KCNC1: variants seen among roughly 807,000 people sequenced by gnomAD.
The protein encoded by KCNC1 is voltage-gated potassium channel KCNC1.
A neutral mutation model predicts 43.4 loss-of-function variants in KCNC1; 8 were observed. That is an observed-to-expected ratio of 0.18 (90% CI 0.11 to 0.33). The LOEUF (loss-of-function observed/expected upper bound fraction) is 0.33, where lower values mean the gene tolerates loss of function less well. KCNC1 is among the 10% of genes least tolerant of loss of function. The pLI is 1.00. For missense variants in KCNC1, 420 were observed against 836.0 expected, an observed-to-expected ratio of 0.50 and a Z score of 6.14; for synonymous variants, 361 against 360.5, an observed-to-expected ratio of 1.00 and a Z score of -0.01.
intron 1 of KCNC1, among the ~76,000 whole-genome samples, chr11:17,769,397 T>G (rs1300306131): frequency 6.7e-6 from 1 of 149,264 alleles, no homozygotes; most frequent in African/African-American, 2.5e-5. Context: ...GATGAATGGA[T>G]GTATGGATGG....
chr11:17,770,421 G>A (rs1407888286), intron 1 of KCNC1, among the ~76,000 whole-genome samples: 2 of 152,234 alleles, frequency 1.3e-5, no homozygotes, highest in African/African-American at 2.4e-5. Flanking sequence ...AGGGCTGACT[G>A]GCAGGGGCCC....
Position 17,735,825 on chromosome 11 carries a change from A to G in KCNC1, c.-178A>G. ...ATTCCCCTGGACCGGCACCCGACAA[A>G]GCGCCCGGAGAGGCTTGGCTCGCTC... On this transcript the variant is annotated 5_prime_UTR_variant, in exon 1 of 4. Coordinates refer to ENST00000265969, the MANE Select transcript of KCNC1 (RefSeq NM_001112741.2). The surrounding 1 kb of genome is among the most constrained non-coding windows in gnomAD (Gnocchi z 6.7). 1.6e-6 allele frequency: 1 copy of G among 637,288 alleles called. No homozygotes were observed. Among genetic ancestry groups the G allele is most frequent in the Non-Finnish European group, 2.4e-6 (1 of 415,550 alleles). The allele number at this position is 637,288 out of a possible 1,614,324, so 39.5% of individuals were successfully genotyped here.
At position 17,771,086 on chromosome 11, in the gene KCNC1, A is replaced by T. The variant is rs1019509527; in HGVS notation, c.571-579A>T. ...ACATACATTTTTTTCAGCTCTAGGC[A>T]GGATAGAACCTGAAAGAGACCACAT... On this transcript the variant is annotated intron_variant, in intron 1 of 3. Coordinates refer to ENST00000265969, the MANE Select transcript of KCNC1 (RefSeq NM_001112741.2). This position sits in a 1 kb window ranked among gnomAD's most constrained non-coding sequence, Gnocchi z 4.7. Among the ~76,000 whole-genome samples the T allele has an allele frequency of 6.6e-6, 1 of 152,208 alleles. No homozygotes were observed. Among genetic ancestry groups the T allele is most frequent in the African/African-American group, 2.4e-5 (1 of 41,448 alleles).
Position 17,736,050 on chromosome 11 carries a change from C to T in KCNC1, c.48C>T (p.Gly16=). The T allele has an allele frequency of 3.2e-6, 5 of 1,573,862 alleles. No individual in the cohort carries two copies. Among genetic ancestry groups the T allele is most frequent in the Non-Finnish European group, 4.3e-6 (5 of 1,161,382 alleles). The change falls in exon 1 of 4, where the codon GGC becomes GGT. Residue 16 remains glycine, a synonymous_variant. Transcript: ENST00000265969. This position sits in a 1 kb window ranked among gnomAD's most constrained non-coding sequence, Gnocchi z 9.3. ...ESERIVINVG[G]TRHQTYRSTL... Reference sequence around the variant, plus strand: ...AGCGCATCGTGATCAACGTGGGCGGCACGCGCCACCAGACGTACCGCTCGA... The same window carrying T: ...AGCGCATCGTGATCAACGTGGGCGGTACGCGCCACCAGACGTACCGCTCGA...
chr11:17,748,719 A>G (rs16934695), intron 1 of KCNC1, among the ~76,000 whole-genome samples: 11,518 of 152,072 alleles, frequency 0.076, 767 homozygotes, highest in African/African-American at 0.19. Context: ...GGCCTGCCCC[A>G]TGGGTTCCCT....
At chr11:17,758,939 G>A (rs1248738942) in intron 1 of KCNC1, among the ~76,000 whole-genome samples, 1 of 152,204 alleles carries the variant, frequency 6.6e-6, no homozygotes, top group Non-Finnish European at 1.5e-5. Context: ...TAACCAGAGA[G>A]TCAGCCTGTC....
chr11:17,736,691 T>G lies in KCNC1; in HGVS notation c.570+119T>G. The G allele has an allele frequency of 7.1e-7, 1 of 1,409,278 alleles. No homozygotes were observed. Among genetic ancestry groups the G allele is most frequent in the Non-Finnish European group, 9.3e-7 (1 of 1,077,670 alleles). 87.3% of individuals were successfully genotyped at this position (1,409,278 alleles called of 1,614,324 possible). A position where few individuals can be genotyped will look rare whatever the true frequency, so the allele number is the denominator to read the frequency against. On this transcript the variant is annotated intron_variant, in intron 1 of 3. Coordinates refer to ENST00000265969, the MANE Select transcript of KCNC1 (RefSeq NM_001112741.2). This position sits in a 1 kb window ranked among gnomAD's most constrained non-coding sequence, Gnocchi z 9.3. ...GGGAGTTCAGAATCGAAAGGGGGTG[T>G]GTGCGCATGTGTGCACGTACCAGGG... is the stretch of plus-strand genomic sequence containing the variant.
Position 17,736,685 on chromosome 11 carries a change from G to A in KCNC1, c.570+113G>A, listed in dbSNP as rs1565152953. The A allele has an allele frequency of 7.0e-7, 1 of 1,428,854 alleles. No individual in the cohort carries two copies. Among genetic ancestry groups the A allele is most frequent in the Non-Finnish European group, 9.1e-7 (1 of 1,094,586 alleles). 88.5% of individuals were successfully genotyped at this position (1,428,854 alleles called of 1,614,324 possible). On this transcript the variant is annotated intron_variant, in intron 1 of 3. Coordinates refer to ENST00000265969, the MANE Select transcript of KCNC1 (RefSeq NM_001112741.2). The surrounding 1 kb of genome is among the most constrained non-coding windows in gnomAD (Gnocchi z 9.3). ...CGCCTAGGGAGTTCAGAATCGAAAG[G>A]GGGTGTGTGCGCATGTGTGCACGTA... is the stretch of plus-strand genomic sequence containing the variant.
chr11:17,753,568 A>G (rs1042599067), intron 1 of KCNC1, among the ~76,000 whole-genome samples: 2 of 152,336 alleles, frequency 1.3e-5, no homozygotes, highest in African/African-American at 4.8e-5. Context: ...AGGTCCTGTC[A>G]TCGTTCCCGA....
At chr11:17,745,213 C>A (rs1284157881) in intron 1 of KCNC1, among the ~76,000 whole-genome samples, 2 of 152,110 alleles carry the variant, frequency 1.3e-5, no homozygotes. Flanking sequence ...TGTGGGTTGG[C>A]AGAGTGTCAC....
intron 1 of KCNC1, among the ~76,000 whole-genome samples, chr11:17,743,289 A>G (rs558659659): frequency 5.5e-4 from 83 of 152,262 alleles, no homozygotes; most frequent in African/African-American, 1.9e-3. Flanking sequence ...ATCTGTAACT[A>G]TTACACAGCA....
At chr11:17,746,513 CCCCATCT>C (rs1346818625) in intron 1 of KCNC1, among the ~76,000 whole-genome samples, 3 of 152,150 alleles carry the variant, frequency 2.0e-5, no homozygotes, top group Non-Finnish European at 4.4e-5. Flanking sequence ...ACCTCTCCTT[CCCCATCT>C]CCTTCCATGT....
chr11:17,743,935 T>C (rs1848870403), intron 1 of KCNC1, among the ~76,000 whole-genome samples: 1 of 152,134 alleles, frequency 6.6e-6, no homozygotes, highest in Admixed American at 6.5e-5. Context: ...TCATCCAGTT[T>C]GTGAGATGTG....
intron 1 of KCNC1, among the ~76,000 whole-genome samples, chr11:17,746,487 G>A (rs1848901417): frequency 6.6e-6 from 1 of 152,012 alleles, no homozygotes; most frequent in African/African-American, 2.4e-5. Context: ...CCAAAGGCCA[G>A]CCAGGCTCTT....
At chr11:17,756,593 T>C (rs1026974903) in intron 1 of KCNC1, among the ~76,000 whole-genome samples, 4 of 151,348 alleles carry the variant, frequency 2.6e-5, no homozygotes, top group East Asian at 3.9e-4. Flanking sequence ...CCTGACTCGA[T>C]ACAAACACAC....
rs1238936785 is a variant in KCNC1, at chr11:17,776,649, G to C, written c.1505-2807G>C. On this transcript the variant is annotated intron_variant, in intron 2 of 3. Coordinates refer to ENST00000265969, the MANE Select transcript of KCNC1 (RefSeq NM_001112741.2). The surrounding 1 kb of genome is among the most constrained non-coding windows in gnomAD (Gnocchi z 4.4). ...GGCCTGTGGGTCTAGTGGGGGCCTG[G>C]GGGCCCTGGGCTGGGGGAGGCAGGG... 9.1e-6 allele frequency: 9 copies of C among 985,432 alleles called. No individual in the cohort carries two copies. The highest frequency in any genetic ancestry group is 7.2e-6 in the Non-Finnish European group (6 of 829,936). 61.0% of individuals were successfully genotyped at this position (985,432 alleles called of 1,614,324 possible).
chr11:17,743,634 G>A (rs527523850), intron 1 of KCNC1, among the ~76,000 whole-genome samples: 13 of 152,306 alleles, frequency 8.5e-5, no homozygotes, highest in South Asian at 4.1e-4. Context: ...TGTGCAGGGC[G>A]GCACATGGTG....
In KCNC1 at chr11:17,739,310, G is replaced by A. The variant is rs1848808507; in HGVS notation, c.570+2738G>A. ...ACAGAGGCTCTTTGTAAGAGAGATTGTGTGTGAGTGTGAGAGACTTGTGTG... is the reference window on the plus strand; with the variant it reads ...ACAGAGGCTCTTTGTAAGAGAGATTATGTGTGAGTGTGAGAGACTTGTGTG... On this transcript the variant is annotated intron_variant, in intron 1 of 3. Transcript: ENST00000265969. This position sits in a 1 kb window ranked among gnomAD's most constrained non-coding sequence, Gnocchi z 4.2. 6.6e-6 allele frequency among the ~76,000 whole-genome samples: 1 copy of A among 151,982 alleles called. No homozygotes were observed. Among genetic ancestry groups the A allele is most frequent in the Admixed American group, 6.6e-5 (1 of 15,264 alleles).
At chr11:17,750,513 T>C (rs1848955371) in intron 1 of KCNC1, among the ~76,000 whole-genome samples, 1 of 152,164 alleles carries the variant, frequency 6.6e-6, no homozygotes, top group South Asian at 2.1e-4. Flanking sequence ...AGTCTGAGGA[T>C]TGGAGTAAAA....
Sources: gnomAD v4.1 joint callset for allele counts (sites outside exome capture counted in the v4.1 genomes callset) on GRCh38, gnomAD v4.1.1 for gene constraint, Gnocchi (gnomAD v3.1) non-coding constraint, MANE v1.5 for transcripts, NCBI Gene and HGNC (gene_info 2026-07-23, HGNC 2026-07-21) for gene names.